The following ZFC3H1 variants were observed in gnomAD, a reference collection of about 807,000 sequenced individuals.
ZFC3H1 encodes zinc finger C3H1 domain-containing protein.
ZFC3H1 carries 71 observed loss-of-function variants against 243.7 expected under a neutral mutation model. The observed-to-expected ratio is 0.29, with a 90% CI of 0.24 to 0.36. The LOEUF is 0.36. Among genes scored for constraint, ZFC3H1 ranks in the 10% least tolerant of loss-of-function variants. ZFC3H1 has a pLI of 1.00. For synonymous variants in ZFC3H1, 838 were observed against 813.0 expected (o/e 1.03, Z -0.52); for missense variants, 1,966 against 2,317.1 (o/e 0.85, Z 3.11).
intron 1 of ZFC3H1, 57 bp downstream of exon 1, chr12:71,662,956 T>A: frequency 2.0e-6 from 3 of 1,487,200 alleles, no homozygotes; most frequent in Non-Finnish European, 2.7e-6. Flanking sequence ...GACCTAGTAA[T>A]GACGCTAAAG....
rs753697759 is a variant in ZFC3H1, at chr12:71,632,094, G to T, written c.3238C>A (p.Pro1080Thr). 6.8e-6 allele frequency: 11 copies of T among 1,611,308 alleles called. No homozygotes were observed. In the African/African-American group the frequency reaches 9.4e-5, roughly 14 times the overall value. The change falls in exon 15 of 35, where the codon CCA becomes ACA. Residue 1080 changes from proline to threonine, a missense_variant. This residue lies in a region of ZFC3H1 where 1,383 missense variants were observed against 1,723.7 expected (regional missense o/e 0.80). Coordinates refer to ENST00000378743, the MANE Select transcript of ZFC3H1 (RefSeq NM_144982.5). ...NKLNKNTVEKPELFLGLKIGE... is the reference protein window; with the variant it reads ...NKLNKNTVEKTELFLGLKIGE... ...ATTTTTAACCCTAGAAAAAGTTCTG[G>T]TTTTTCTACAGTATTTTTATTAAGT...
Position 71,656,407 on chromosome 12 carries a change from AT to A in ZFC3H1, c.1015+477del, listed in dbSNP as rs1438130271. On this transcript the variant is annotated intron_variant, in intron 2 of 34. Coordinates refer to ENST00000378743, the MANE Select transcript of ZFC3H1 (RefSeq NM_144982.5). ...ATACAAGGGTGGTTTAATACTAGAA[AT>A]AAATTATATAATTCATTACACTAAC... 5.6e-6 allele frequency: 3 copies of A among 536,040 alleles called. No homozygotes were observed. The African/African-American group carries it at 5.8e-5, about 10-fold the overall frequency. 33.2% of individuals were successfully genotyped at this position (536,040 alleles called of 1,614,324 possible).
chr12:71,634,909 C>T (rs1253395037), intron 10 of ZFC3H1, 84 bp from the exon 11 acceptor site: 1 of 1,403,006 alleles, frequency 7.1e-7, no homozygotes, highest in African/African-American at 1.5e-5. Context: ...ACATTGCAAC[C>T]CAGTGTATAC....
chr12:71,663,636 C>G lies in ZFC3H1; in HGVS notation c.-26G>C, dbSNP rs1262948876. On this transcript the variant is annotated 5_prime_UTR_variant, in exon 1 of 35. Transcript: ENST00000378743. ...CCGGGGAGCAGCGCCTTCCACACAA[C>G]CTTAGCCCTCCGTCCGGGGATCCGC... 6.3e-7 allele frequency: 1 copy of G among 1,589,496 alleles called. No homozygotes were observed. The highest frequency in any genetic ancestry group is 8.5e-7 in the Non-Finnish European group (1 of 1,170,052).
Position 71,644,231 on chromosome 12 carries a change from T to C in ZFC3H1, c.1367A>G (p.Gln456Arg). ...CTCTTCTTCTTCAGCTTGTTTCCGC[T>C]GATCCTCTTCTTTCTGTCTTTCCTG... ...KEQERQKEED[Q>R]RKQAEEEERR... is the part of the protein sequence containing the mutation. Residue 456 changes from glutamine to arginine, a missense_variant, in exon 5 of 35, where the codon CAG becomes CGG. Transcript: ENST00000378743. 1 of 1,612,856 alleles carries C rather than the reference T, an allele frequency of 6.2e-7. No homozygotes were observed. Among genetic ancestry groups the C allele is most frequent in the Non-Finnish European group, 8.5e-7 (1 of 1,179,292 alleles).
Position 71,611,104 on chromosome 12 carries a change from GAAAAAAA to G in ZFC3H1, c.5730-14_5730-8del, listed in dbSNP as rs566085973. The G allele has an allele frequency of 7.8e-6, 10 of 1,279,700 alleles. No homozygotes were observed. The South Asian group carries it at 1.1e-4, about 14-fold the overall frequency. The allele number at this position is 1,279,700 out of a possible 1,614,324, so 79.3% of individuals were successfully genotyped here. On this transcript the variant is annotated splice_polypyrimidine_tract_variant and splice_region_variant and intron_variant, in intron 32 of 34. Coordinates refer to ENST00000378743, the MANE Select transcript of ZFC3H1 (RefSeq NM_144982.5). ...AATCTCAGCAGCAATGGCTCTAAGAGAAAAAAAAAAAAAAAGAAATATAGAAAAAGGA... is the reference window on the plus strand; with the variant it reads ...AATCTCAGCAGCAATGGCTCTAAGAGAAAAAAAAGAAATATAGAAAAAGGA...
In ZFC3H1 at chr12:71,624,142, A is replaced by G. The variant is rs761167705; in HGVS notation, c.4468T>C (p.Phe1490Leu). 9 of 1,613,454 alleles carry G rather than the reference A, an allele frequency of 5.6e-6. No homozygotes were observed. The highest frequency in any genetic ancestry group is 6.8e-6 in the Non-Finnish European group (8 of 1,179,822). ...ALLFRVQLHIFTGRCQSALAI... is the reference protein window; with the variant it reads ...ALLFRVQLHILTGRCQSALAI... ...AGTGCACTTTGGCATCTTCCAGTAA[A>G]TATGTGCAGCTGAACTCTAAACAAA... Residue 1490 changes from phenylalanine to leucine, a missense_variant, in exon 23 of 35, where the codon TTT becomes CTT. Coordinates refer to ENST00000378743, the MANE Select transcript of ZFC3H1 (RefSeq NM_144982.5).
chr12:71,646,646 C>G (rs561107433), intron 3 of ZFC3H1, among the ~76,000 whole-genome samples: 1 of 152,132 alleles, frequency 6.6e-6, no homozygotes, highest in Non-Finnish European at 1.5e-5. Flanking sequence ...AACTTTGGAT[C>G]TCACTATGTT....
rs779758114 is a variant in ZFC3H1, at chr12:71,634,841, C to T, written c.2239-16G>A. ...TTGAAGCTTGCTAAAAAAAAAAAAA[C>T]ATTTGAAGTCAACTAGATCATCAGC... On this transcript the variant is annotated splice_polypyrimidine_tract_variant and intron_variant, in intron 10 of 34. Transcript: ENST00000378743. The T allele has an allele frequency of 3.4e-6, 5 of 1,491,844 alleles. No homozygotes were observed. Among genetic ancestry groups the T allele is most frequent in the Non-Finnish European group, 3.6e-6 (4 of 1,113,506 alleles). The allele number at this position is 1,491,844 out of a possible 1,614,324, so 92.4% of individuals were successfully genotyped here. A position where few individuals can be genotyped will look rare whatever the true frequency, so the allele number is the denominator to read the frequency against.
chr12:71,629,556 T>TACACAC (rs35067681), intron 19 of ZFC3H1, 53 bp downstream of exon 19: 145,074 of 681,646 alleles, frequency 0.21, 5,048 homozygotes, highest in Non-Finnish European at 0.24. Context: ...AGAGATACAG[T>TACACAC]ACACACACAC....
chr12:71,623,676 GT>G, intron 23 of ZFC3H1, 79 bp from the exon 24 acceptor site: 1 of 996,704 alleles, frequency 1.0e-6, no homozygotes, highest in Non-Finnish European at 1.5e-6. Flanking sequence ...CTATGCTAAA[GT>G]TTATGAAATA....
rs182623730 is a variant in ZFC3H1, at chr12:71,642,398, C to A, written c.1627+38G>T. The A allele has an allele frequency of 4.3e-3, 6,837 of 1,590,172 alleles. 20 individuals are homozygous for A. The highest frequency in any genetic ancestry group is 5.2e-3 in the Non-Finnish European group (6,029 of 1,168,230). On this transcript the variant is annotated intron_variant, in intron 6 of 34. Coordinates refer to ENST00000378743, the MANE Select transcript of ZFC3H1 (RefSeq NM_144982.5). ...CATAATGACTATTCTCTATTTAATA[C>A]ATGTAAATACACAAAGGTTTCAAGT...
intron 2 of ZFC3H1, among the ~76,000 whole-genome samples, chr12:71,654,525 T>C (rs1440785268): frequency 3.3e-5 from 5 of 152,142 alleles, no homozygotes; most frequent in African/African-American, 1.2e-4. Context: ...GCTAAATATA[T>C]AGGCAAAGCT....
Position 71,619,871 on chromosome 12 carries a change from T to C in ZFC3H1, c.5049+55A>G, listed in dbSNP as rs1462916576. 6 of 1,520,648 alleles carry C rather than the reference T, an allele frequency of 3.9e-6. No individual in the cohort carries two copies. The East Asian group carries it at 6.8e-5, about 17-fold the overall frequency. The allele number at this position is 1,520,648 out of a possible 1,614,324, so 94.2% of individuals were successfully genotyped here. A position where few individuals can be genotyped will look rare whatever the true frequency, so the allele number is the denominator to read the frequency against. On this transcript the variant is annotated intron_variant, in intron 26 of 34. Transcript: ENST00000378743. ...AGGAAACACTTCCTGGTGAGGCCAA[T>C]AGCAAAATTTGAAACATAAAAGCAT...
rs1880690396 is a variant in ZFC3H1 at position 71,644,910 on chromosome 12, T to C, written c.1246A>G (p.Lys416Glu). ...TVQQKVKTST[K>E]THSAKKVSTT... is the part of the protein sequence containing the mutation. Reference sequence around the variant, plus strand: ...CTAACTTTTTTGGCCGAATGTGTTTTTGTACTTGTTTTAACTTTTTGCTGT... The same window carrying C: ...CTAACTTTTTTGGCCGAATGTGTTTCTGTACTTGTTTTAACTTTTTGCTGT... The change falls in exon 4 of 35, where the codon AAA (lysine) becomes GAA (glutamate). Residue 416 changes from lysine to glutamate, a missense_variant. This residue lies in a region of ZFC3H1 where 91 missense variants were observed against 107.6 expected (regional missense o/e 0.85). Transcript: ENST00000378743. 1.2e-6 allele frequency: 2 copies of C among 1,612,300 alleles called. No individual in the cohort carries two copies. Among genetic ancestry groups the C allele is most frequent in the Non-Finnish European group, 1.7e-6 (2 of 1,180,004 alleles).
At chr12:71,637,472 G>C (rs909468257) in intron 7 of ZFC3H1, among the ~76,000 whole-genome samples, 2 of 152,080 alleles carry the variant, frequency 1.3e-5, no homozygotes, top group Admixed American at 6.6e-5. Context: ...GAAACCAAGG[G>C]ATTCTGTGAA....
Position 71,638,493 on chromosome 12 carries a change from T to G in ZFC3H1, c.1650A>C (p.Pro550=). 6.2e-7 allele frequency: 1 copy of G among 1,611,642 alleles called. No homozygotes were observed. The change falls in exon 7 of 35, where the codon CCA becomes CCC. Residue 550 remains proline, a synonymous_variant. Transcript: ENST00000378743. Reference sequence around the variant, plus strand: ...ACCCCAATGAACATTCAGAGAAAAATGGCGGTTGCACTGGTGAAGGAGCTG... The same window carrying G: ...ACCCCAATGAACATTCAGAGAAAAAGGGCGGTTGCACTGGTGAAGGAGCTG... The part of the protein sequence containing the change: ...SSPAPSPVQP[P]FFSECSLGYF...
At chr12:71,610,610 T>C in intron 34 of ZFC3H1, 45 bp from the exon 35 acceptor site, 3 of 1,612,444 alleles carry the variant, frequency 1.9e-6, no homozygotes, top group Non-Finnish European at 2.5e-6. Flanking sequence ...AGCTAGAGTT[T>C]GAGCATTACC....
chr12:71,642,543 A>C lies in ZFC3H1; in HGVS notation c.1520T>G (p.Leu507Arg), dbSNP rs753410076. The C allele has an allele frequency of 7.4e-6, 12 of 1,611,942 alleles. No individual in the cohort carries two copies. The South Asian group carries it at 1.3e-4, about 18-fold the overall frequency. Residue 507 changes from leucine to arginine, a missense_variant, in exon 6 of 35, where the codon CTG becomes CGG. Physicochemically the swap from Leu to Arg is moderately radical, Grantham distance 102. Coordinates refer to ENST00000378743, the MANE Select transcript of ZFC3H1 (RefSeq NM_144982.5). Reference protein sequence around the residue: ...RSRSKSSDPDLRRSLDKQPTD... With the variant: ...RSRSKSSDPDRRRSLDKQPTD... ...AGGTTGCTTATCTAAGGATCGCCTC[A>C]GGTCAGGATCTGAAGACTAAGTATA...
Sources: allele counts gnomAD v4.1 joint callset (sites outside exome capture counted in the v4.1 genomes callset), GRCh38; gene constraint gnomAD v4.1.1; regional missense constraint gnomAD v4.1.1; transcripts MANE v1.5; gene names NCBI Gene and HGNC (gene_info 2026-07-23, HGNC 2026-07-21).